Variants in SAMD12 observed in about 807,000 individuals in gnomAD.
SAMD12 encodes the protein sterile alpha motif domain containing 12, also known as sterile alpha motif domain-containing protein 12.
A neutral mutation model predicts 15.0 loss-of-function variants in SAMD12; 9 were observed. That is an observed-to-expected ratio of 0.60 (90% confidence interval 0.36 to 1.05). The LOEUF is 1.05. Ranked by LOEUF, SAMD12 falls within the 50% of genes least tolerant of loss-of-function variation. The pLI is 0.01. For missense variants in SAMD12, 230 were observed against 234.2 expected (o/e 0.98, Z 0.12); for synonymous variants, 86 against 90.1 (o/e 0.96, Z 0.25).
At chr8:118,141,909 A>G in the SAMD12 span, among the ~76,000 whole-genome samples, 1 of 152,212 alleles carries the variant, frequency 6.6e-6, no homozygotes, top group Non-Finnish European at 1.5e-5. Flanking sequence ...CCCCTGTGAT[A>G]GTTTCTAGAA....
chr8:118,467,261 G>C (rs1043281893), intron 2 of SAMD12, among the ~76,000 whole-genome samples: 1 of 152,136 alleles, frequency 6.6e-6, no homozygotes, highest in East Asian at 1.9e-4. Context: ...ATCCCAGCTT[G>C]ACACCTACAT....
chr8:118,521,444 C>A (rs549601315), intron 2 of SAMD12, among the ~76,000 whole-genome samples: 3 of 152,292 alleles, frequency 2.0e-5, no homozygotes, highest in Non-Finnish European at 4.4e-5. Flanking sequence ...CATTTGAAAT[C>A]ATTTCTCTTA....
At chr8:118,254,227 G>C (rs1465472612) in intron 4 of SAMD12, among the ~76,000 whole-genome samples, 1 of 152,124 alleles carries the variant, frequency 6.6e-6, no homozygotes, top group African/African-American at 2.4e-5. Flanking sequence ...TCATTCTAGA[G>C]TCAATTCCCT....
chr8:118,530,732 T>C (rs1013325545), intron 2 of SAMD12, among the ~76,000 whole-genome samples: 1 of 152,246 alleles, frequency 6.6e-6, no homozygotes, highest in East Asian at 1.9e-4. Flanking sequence ...ACTTTTGTTT[T>C]TGTTGCATTT....
intron 4 of SAMD12, among the ~76,000 whole-genome samples, chr8:118,359,271 T>G (rs1036870299): frequency 6.6e-6 from 1 of 152,134 alleles, no homozygotes; most frequent in African/African-American, 2.4e-5. Flanking sequence ...CAGGGTTAAG[T>G]TGGACATAGA....
At chr8:118,307,401 G>A (rs1217115945) in intron 4 of SAMD12, among the ~76,000 whole-genome samples, 1 of 152,126 alleles carries the variant, frequency 6.6e-6, no homozygotes, top group African/African-American at 2.4e-5. Context: ...AGGACCCCAG[G>A]TGCCTCTAAA....
At chr8:118,458,980 G>A (rs1254812253) in intron 2 of SAMD12, among the ~76,000 whole-genome samples, 4 of 125,574 alleles carry the variant, frequency 3.2e-5, no homozygotes, top group African/African-American at 1.2e-4. Flanking sequence ...GTGTGTGTGT[G>A]TGTGTTTATT....
intron 4 of SAMD12, among the ~76,000 whole-genome samples, chr8:118,320,632 A>G (rs989222590): frequency 2.2e-5 from 3 of 135,732 alleles, no homozygotes; most frequent in African/African-American, 8.4e-5. Context: ...ACACTTGGAC[A>G]CAGGAAGGGG....
At chr8:118,147,838 C>T in the SAMD12 span, among the ~76,000 whole-genome samples, 49 of 152,082 alleles carry the variant, frequency 3.2e-4, 1 homozygote, top group Middle Eastern at 3.2e-3. Flanking sequence ...TAACCTCAAA[C>T]TCCTAGACTC....
At chr8:118,388,248 C>T (rs976258977) in intron 3 of SAMD12, among the ~76,000 whole-genome samples, 8 of 152,194 alleles carry the variant, frequency 5.3e-5, no homozygotes, top group African/African-American at 1.9e-4. Flanking sequence ...TCATGCTTGG[C>T]GTTAGTCTCT....
intron 1 of SAMD12, among the ~76,000 whole-genome samples, chr8:118,617,726 G>A (rs1442616105): frequency 1.3e-5 from 2 of 152,040 alleles, no homozygotes; most frequent in African/African-American, 4.8e-5. Context: ...CTCTAGCTCT[G>A]GAGACTCGTG....
At chr8:118,311,299 A>T (rs1167226663) in intron 4 of SAMD12, among the ~76,000 whole-genome samples, 1 of 152,260 alleles carries the variant, frequency 6.6e-6, no homozygotes, top group Non-Finnish European at 1.5e-5. Context: ...AAGGGTTAGC[A>T]AACTATGGCC....
chr8:118,205,975 G>T (rs1440585806), intron 4 of SAMD12, among the ~76,000 whole-genome samples: 2 of 152,190 alleles, frequency 1.3e-5, no homozygotes, highest in Non-Finnish European at 2.9e-5. Context: ...AAGGCCACTA[G>T]TCTACTACAC....
chr8:118,544,695 C>G (rs940148800), intron 2 of SAMD12, among the ~76,000 whole-genome samples: 1 of 152,186 alleles, frequency 6.6e-6, no homozygotes, highest in Non-Finnish European at 1.5e-5. Context: ...GTCTGGCTTC[C>G]TGCTTCCTTC....
intron 2 of SAMD12, among the ~76,000 whole-genome samples, chr8:118,474,049 C>T (rs1044294143): frequency 3.9e-5 from 6 of 152,154 alleles, no homozygotes; most frequent in Non-Finnish European, 8.8e-5. Context: ...ACCTCTGCCT[C>T]CTGGGTTCAA....
intron 4 of SAMD12, among the ~76,000 whole-genome samples, chr8:118,292,971 C>A (rs1358208762): frequency 6.6e-6 from 1 of 151,778 alleles, no homozygotes; most frequent in African/African-American, 2.4e-5. Flanking sequence ...TTAGTGGGTG[C>A]AGCGCACCAG....
chr8:118,153,881 T>C, the SAMD12 span, among the ~76,000 whole-genome samples: 2 of 152,146 alleles, frequency 1.3e-5, no homozygotes, highest in Non-Finnish European at 2.9e-5. Context: ...CCTCTTTTTC[T>C]TCATCCCGTC....
chr8:118,479,402 A>C (rs1824056093), intron 2 of SAMD12, among the ~76,000 whole-genome samples: 1 of 152,216 alleles, frequency 6.6e-6, no homozygotes, highest in South Asian at 2.1e-4. Context: ...AGAAGGTGAA[A>C]GGCACCTCTT....
chr8:118,271,365 A>G (rs796706601), intron 4 of SAMD12, among the ~76,000 whole-genome samples: 28 of 152,270 alleles, frequency 1.8e-4, no homozygotes, highest in African/African-American at 6.7e-4. Flanking sequence ...ATTACCTCCC[A>G]CAAATTCCCT....
Sources: allele counts gnomAD v4.1 joint callset (sites outside exome capture counted in the v4.1 genomes callset), GRCh38; gene constraint gnomAD v4.1.1; transcripts MANE v1.5; gene names NCBI Gene and HGNC (gene_info 2026-07-23, HGNC 2026-07-21).